DLG2: variants seen among roughly 807,000 people sequenced by gnomAD.
The protein encoded by DLG2 is discs large MAGUK scaffold protein 2.
In DLG2, 45 loss-of-function variants were observed where a neutral mutation model predicts 132.5. That is an observed-to-expected ratio of 0.34 (90% confidence interval 0.27 to 0.44). The LOEUF (loss-of-function observed/expected upper bound fraction) is 0.44, where lower values mean the gene tolerates loss of function less well. DLG2 is among the 20% of genes least tolerant of loss of function. The probability of loss-of-function intolerance (pLI) is 1.00; values close to 1 mark genes in which losing one functional copy is unlikely to be tolerated. For missense variants in DLG2, 1,045 were observed against 1,196.9 expected, an observed-to-expected ratio of 0.87 and a Z score of 1.87; for synonymous variants, 424 against 419.6, an observed-to-expected ratio of 1.01 and a Z score of -0.13.
intron 6 of DLG2, among the ~76,000 whole-genome samples, chr11:84,638,559 T>A (rs2099644659): frequency 6.6e-6 from 1 of 152,254 alleles, no homozygotes; most frequent in South Asian, 2.1e-4. Context: ...TTTGTCTGTC[T>A]GGCTTTAATG....
intron 3 of DLG2, among the ~76,000 whole-genome samples, chr11:85,365,805 C>A (rs2084503803): frequency 1.3e-5 from 2 of 152,148 alleles, no homozygotes; most frequent in Non-Finnish European, 2.9e-5. Context: ...AAGCTGGAAA[C>A]AATCATTCTC....
At chr11:84,485,192 T>C (rs1229510697) in intron 7 of DLG2, among the ~76,000 whole-genome samples, 1 of 152,132 alleles carries the variant, frequency 6.6e-6, no homozygotes, top group African/African-American at 2.4e-5. Flanking sequence ...CTGTATGCAA[T>C]GATTTGGTAA....
intron 11 of DLG2, among the ~76,000 whole-genome samples, chr11:83,984,541 A>G (rs545594385): frequency 3.6e-4 from 55 of 152,300 alleles, no homozygotes; most frequent in African/African-American, 1.2e-3. Flanking sequence ...GGAAATATCT[A>G]TCTGTGCTAT....
intron 18 of DLG2, among the ~76,000 whole-genome samples, chr11:83,715,199 T>C (rs1448896258): frequency 6.6e-6 from 1 of 152,188 alleles, no homozygotes; most frequent in Non-Finnish European, 1.5e-5. Context: ...ATCATTGGTG[T>C]TCTGGGAAAG....
At chr11:83,576,529 G>A (rs2096876461) in intron 19 of DLG2, among the ~76,000 whole-genome samples, 1 of 151,968 alleles carries the variant, frequency 6.6e-6, no homozygotes, top group Admixed American at 6.6e-5. Flanking sequence ...TTTATGCCAG[G>A]AAAAAGAAAC....
At chr11:84,286,858 C>T (rs1176361013) in intron 7 of DLG2, among the ~76,000 whole-genome samples, 2 of 152,080 alleles carry the variant, frequency 1.3e-5, no homozygotes, top group Admixed American at 6.6e-5. Context: ...CTGGGGTTGA[C>T]GCCTAAGCTT....
chr11:84,031,405 A>T (rs970845456), intron 11 of DLG2, among the ~76,000 whole-genome samples: 14 of 152,120 alleles, frequency 9.2e-5, no homozygotes, highest in African/African-American at 3.1e-4. Context: ...GACCGTGTTA[A>T]ACTTATGAGA....
chr11:85,337,023 A>G (rs894286767), intron 3 of DLG2, among the ~76,000 whole-genome samples: 3 of 152,216 alleles, frequency 2.0e-5, no homozygotes, highest in Admixed American at 1.3e-4. Context: ...CTTAAAATAC[A>G]TAAATAAATA....
intron 18 of DLG2, among the ~76,000 whole-genome samples, chr11:83,709,066 T>C (rs746925748): frequency 2.0e-4 from 31 of 152,070 alleles, no homozygotes; most frequent in Non-Finnish European, 4.3e-4. Context: ...CCGCTGCTTG[T>C]TCTCTTCCCC....
chr11:83,792,741 C>T (rs1161266149), intron 17 of DLG2, among the ~76,000 whole-genome samples: 1 of 152,084 alleles, frequency 6.6e-6, no homozygotes, highest in African/African-American at 2.4e-5. Context: ...TTTACCAGTG[C>T]ATGGCTGATA....
At chr11:84,060,260 C>T (rs542457401) in intron 10 of DLG2, among the ~76,000 whole-genome samples, 10 of 152,076 alleles carry the variant, frequency 6.6e-5, no homozygotes, top group Non-Finnish European at 1.0e-4. Context: ...TGCAGTGAGC[C>T]GAGATCACGC....
intron 19 of DLG2, among the ~76,000 whole-genome samples, chr11:83,629,114 T>C (rs961298820): frequency 6.6e-6 from 1 of 152,132 alleles, no homozygotes. Flanking sequence ...GCAATCAAGA[T>C]TCCAGGCCTT....
chr11:85,610,246 G>T (rs756835375), intron 2 of DLG2, among the ~76,000 whole-genome samples: 1 of 152,212 alleles, frequency 6.6e-6, no homozygotes, highest in African/African-American at 2.4e-5. Context: ...AGGAAATGCA[G>T]CAGTGACTGC....
chr11:83,828,123 G>A (rs969342655), intron 17 of DLG2, among the ~76,000 whole-genome samples: 20 of 152,116 alleles, frequency 1.3e-4, no homozygotes, highest in African/African-American at 4.3e-4. Context: ...GCTAAGTAAT[G>A]TGTTTTGACA....
chr11:83,668,424 G>A (rs1330033181), intron 18 of DLG2, among the ~76,000 whole-genome samples: 2 of 152,168 alleles, frequency 1.3e-5, no homozygotes, highest in African/African-American at 4.8e-5. Context: ...TGTATAGGCT[G>A]CTCATTCTAC....
At chr11:84,825,332 C>A (rs948288000) in intron 6 of DLG2, among the ~76,000 whole-genome samples, 1 of 151,834 alleles carries the variant, frequency 6.6e-6, no homozygotes, top group African/African-American at 2.4e-5. Flanking sequence ...ATTCCTAAGG[C>A]CCGAGCTGAC....
rs71465962 is a variant in DLG2 at position 84,106,868 on chromosome 11, T to TGAGAGAGA, written c.625-7829_625-7822dup. ...TTGAGTGAGTGTGTGTGTGTATGTG[T>TGAGAGAGA]GAGAGAGAGAGAGAGAGAGTTTTAG... On this transcript the variant is annotated intron_variant, in intron 9 of 27. Transcript: ENST00000376104. Among the ~76,000 whole-genome samples the TGAGAGAGA allele has an allele frequency of 4.7e-3, 652 of 137,536 alleles. 5 individuals carry two copies. The highest frequency in any genetic ancestry group is 8.9e-3 in the Admixed American group (120 of 13,484). 90.2% of individuals were successfully genotyped at this position (137,536 alleles called of 152,430 possible). A position where few individuals can be genotyped will look rare whatever the true frequency, so the allele number is the denominator to read the frequency against.
chr11:84,468,102 G>C (rs574051645), intron 7 of DLG2, among the ~76,000 whole-genome samples: 9 of 151,596 alleles, frequency 5.9e-5, no homozygotes, highest in African/African-American at 1.4e-4. Context: ...AAAAAACAAA[G>C]TGCACAATAC....
rs539796295 is a variant in DLG2 at position 84,291,380 on chromosome 11, C to T, written c.520-40089G>A. 1.5e-4 allele frequency among the ~76,000 whole-genome samples: 23 copies of T among 152,200 alleles called. 1 individual carries two copies. In the South Asian group the frequency reaches 4.4e-3, roughly 29 times the overall value. ...ATCCTAACTATCTCAACTGACAGTA[C>T]GCTACCTTTTGAGTTATCATTAATG... On this transcript the variant is annotated intron_variant, in intron 7 of 27. Transcript: ENST00000376104.
Sources: gnomAD v4.1 joint callset for allele counts (sites outside exome capture counted in the v4.1 genomes callset) on GRCh38, gnomAD v4.1.1 for gene constraint, MANE v1.5 for transcripts, NCBI Gene and HGNC (gene_info 2026-07-23, HGNC 2026-07-21) for gene names.